The following CRACD variants were observed in gnomAD, a reference collection of about 807,000 sequenced individuals.
CRACD encodes the protein capping protein-inhibiting regulator of actin dynamics.
Under a neutral mutation model 106.8 loss-of-function variants are expected in CRACD, and 56 were observed. That is an observed-to-expected ratio of 0.52 (90% CI 0.42 to 0.66). The LOEUF (loss-of-function observed/expected upper bound fraction) is 0.66. CRACD is among the 30% of genes least tolerant of loss of function. CRACD has a pLI of 0.00. For missense variants in CRACD, 1,730 were observed against 1,623.2 expected (o/e 1.07, Z -1.13); for synonymous variants, 754 against 670.8 (o/e 1.12, Z -1.92).
chr4:56,246,770 G>A (rs940294378), intron 2 of CRACD: 6 of 152,228 alleles, frequency 3.9e-5, no homozygotes, highest in Non-Finnish European at 5.9e-5. Flanking sequence ...ATTGGGAAAT[G>A]GGGGAAGAAA....
chr4:56,088,416 ATC>A (rs1733305428), intron 1 of CRACD, among the ~76,000 whole-genome samples: 1 of 151,172 alleles, frequency 6.6e-6, no homozygotes, highest in African/African-American at 2.4e-5. Context: ...GGCTCCTGCA[ATC>A]TCTGCCTCCC....
intron 1 of CRACD, among the ~76,000 whole-genome samples, chr4:56,142,617 T>C (rs984212218): frequency 4.6e-5 from 7 of 152,194 alleles, no homozygotes; most frequent in Admixed American, 4.6e-4. Flanking sequence ...TTCATGCTTA[T>C]AAAAGTCACT....
At chr4:56,199,635 T>C (rs1171286307) in intron 2 of CRACD, among the ~76,000 whole-genome samples, 2 of 140,976 alleles carry the variant, frequency 1.4e-5, no homozygotes, top group African/African-American at 5.4e-5. Context: ...TGAGCCAAGA[T>C]GGTGCCACTG....
intron 3 of CRACD, among the ~76,000 whole-genome samples, chr4:56,274,923 A>G (rs1041650195): frequency 5.9e-5 from 9 of 152,226 alleles, no homozygotes; most frequent in African/African-American, 2.2e-4. Context: ...AATGTAGTGC[A>G]TATGCACCAT....
At chr4:56,081,420 G>A (rs960430562) in intron 1 of CRACD, among the ~76,000 whole-genome samples, 4 of 152,130 alleles carry the variant, frequency 2.6e-5, no homozygotes, top group South Asian at 2.1e-4. Context: ...TAGGAGGTAC[G>A]TATTTAATAT....
At chr4:56,125,356 C>T (rs2109858781) in intron 1 of CRACD, among the ~76,000 whole-genome samples, 1 of 152,204 alleles carries the variant, frequency 6.6e-6, no homozygotes, top group East Asian at 1.9e-4. Flanking sequence ...TCTGATTACC[C>T]TGCCTCTTTT....
intron 2 of CRACD, among the ~76,000 whole-genome samples, chr4:56,216,853 A>G (rs950044729): frequency 5.2e-4 from 78 of 150,826 alleles, no homozygotes; most frequent in African/African-American, 1.8e-3. Flanking sequence ...GGTGGCGGGC[A>G]CCTGTAGTCC....
intron 1 of CRACD, among the ~76,000 whole-genome samples, chr4:56,139,488 T>A (rs1183286189): frequency 6.6e-6 from 1 of 152,232 alleles, no homozygotes; most frequent in Non-Finnish European, 1.5e-5. Flanking sequence ...ACCTTGCAAC[T>A]GGCAAGCTTA....
chr4:56,240,666 G>A (rs1740312239), intron 2 of CRACD, among the ~76,000 whole-genome samples: 1 of 152,056 alleles, frequency 6.6e-6, no homozygotes, highest in South Asian at 2.1e-4. Context: ...CATCACACTT[G>A]GCTAATTTTT....
At chr4:56,077,369 G>C (rs1732877912) in intron 1 of CRACD, among the ~76,000 whole-genome samples, 1 of 152,206 alleles carries the variant, frequency 6.6e-6, no homozygotes, top group Non-Finnish European at 1.5e-5. Context: ...CCCATGATAT[G>C]TGGGCATTAT....
intron 1 of CRACD, among the ~76,000 whole-genome samples, chr4:56,166,211 A>G (rs1166912499): frequency 1.3e-5 from 2 of 152,118 alleles, no homozygotes; most frequent in African/African-American, 2.4e-5. Flanking sequence ...CCTTAACCAT[A>G]TTTATTTCTT....
intron 2 of CRACD, among the ~76,000 whole-genome samples, chr4:56,209,566 A>T (rs975232106): frequency 3.3e-5 from 5 of 152,140 alleles, no homozygotes; most frequent in Non-Finnish European, 5.9e-5. Context: ...GTATTTGCAG[A>T]TAAAAATTAT....
chr4:56,196,167 G>A (rs1344322295), intron 2 of CRACD, among the ~76,000 whole-genome samples: 1 of 152,122 alleles, frequency 6.6e-6, no homozygotes, highest in Non-Finnish European at 1.5e-5. Context: ...GTATCAGTTT[G>A]TTTCCTCCAT....
chr4:56,273,405 C>G (rs1254498286), intron 3 of CRACD, among the ~76,000 whole-genome samples: 1 of 150,786 alleles, frequency 6.6e-6, no homozygotes, highest in Non-Finnish European at 1.5e-5. Context: ...CTCTCTCCCC[C>G]ACTTCTCCCT....
rs947651630 is a variant in CRACD, at chr4:56,192,195, C to G, written c.-189+12765C>G. 2.0e-5 allele frequency among the ~76,000 whole-genome samples: 3 copies of G among 152,070 alleles called. No homozygotes were observed. In the South Asian group the frequency reaches 6.2e-4, roughly 32 times the overall value. ...TCACCTGCGGTCAGGAGTTCGAGACCAGCCTGGCCAACATGGCAAAACCCC... is the reference window on the plus strand; with the variant it reads ...TCACCTGCGGTCAGGAGTTCGAGACGAGCCTGGCCAACATGGCAAAACCCC... On this transcript the variant is annotated intron_variant, in intron 2 of 10. Coordinates refer to ENST00000682029, the MANE Select transcript of CRACD (RefSeq NM_001393381.1).
chr4:56,215,844 C>G (rs139034043), intron 2 of CRACD, among the ~76,000 whole-genome samples: 2 of 152,306 alleles, frequency 1.3e-5, no homozygotes, highest in East Asian at 3.9e-4. Context: ...TTCTTCCTCT[C>G]TTTTATCTTG....
In CRACD at chr4:56,298,287, A is replaced by G. The variant is rs1458397805; in HGVS notation, c.58A>G (p.Ser20Gly). The G allele has an allele frequency of 1.2e-6, 2 of 1,614,218 alleles. No individual in the cohort carries two copies. Among genetic ancestry groups the G allele is most frequent in the Non-Finnish European group, 1.7e-6 (2 of 1,180,034 alleles). ...TTTTATCCCTGATGGGGGAGCAGAA[A>G]GTGAGCAGACAGTTCAAGCAATGTC... ...SIFIPDGGAE[S>G]EQTVQAMSQD... is the part of the protein sequence containing the mutation. Residue 20 changes from serine (S) to glycine (G), a missense_variant, in exon 4 of 11, where the codon AGT (serine) becomes GGT (glycine). By Grantham distance (56) the Ser-to-Gly change is moderately conservative. Around this residue, in one of 5 missense-constraint regions of CRACD, gnomAD observed 1,620 missense variants for 1,481.6 expected, o/e 1.09. Transcript: ENST00000682029.
intron 1 of CRACD, among the ~76,000 whole-genome samples, chr4:56,054,212 G>T (rs1294155696): frequency 6.6e-6 from 1 of 152,060 alleles, no homozygotes; most frequent in Non-Finnish European, 1.5e-5. Context: ...CTAGGGTCTT[G>T]CTCTGTCACC....
At chr4:56,093,905 C>T (rs1733508202) in intron 1 of CRACD, among the ~76,000 whole-genome samples, 1 of 152,104 alleles carries the variant, frequency 6.6e-6, no homozygotes, top group Admixed American at 6.5e-5. Context: ...ATGTATGCAC[C>T]AGGGCTGGCA....
Sources: gnomAD v4.1 joint callset for allele counts (sites outside exome capture counted in the v4.1 genomes callset) on GRCh38, gnomAD v4.1.1 for gene constraint, gnomAD v4.1.1 regional missense constraint, MANE v1.5 for transcripts, NCBI Gene and HGNC (gene_info 2026-07-23, HGNC 2026-07-21) for gene names.